Variants in PCCA observed in about 807,000 individuals in gnomAD.
PCCA encodes the protein propionyl-CoA carboxylase alpha chain, mitochondrial.
PCCA carries 74 observed loss-of-function variants against 101.3 expected under a neutral mutation model. The ratio of observed to expected loss-of-function variants is 0.73; its 90% CI spans 0.61 to 0.89. PCCA has a LOEUF of 0.89. Ranked by LOEUF, PCCA falls within the 40% of genes least tolerant of loss-of-function variation. The pLI, the probability that PCCA is intolerant of heterozygous loss-of-function variation, is 0.00. For synonymous variants in PCCA, 294 were observed against 313.6 expected, an observed-to-expected ratio of 0.94 and a Z score of 0.66; for missense variants, 891 against 907.0, an observed-to-expected ratio of 0.98 and a Z score of 0.23.
intron 19 of PCCA, among the ~76,000 whole-genome samples, chr13:100,382,482 C>T (rs1324627603): frequency 6.6e-6 from 1 of 152,150 alleles, no homozygotes; most frequent in African/African-American, 2.4e-5. Context: ...CTTTGGGCCA[C>T]GGTCTCAGGC....
intron 18 of PCCA, among the ~76,000 whole-genome samples, chr13:100,342,365 G>A (rs2071507259): frequency 6.6e-6 from 1 of 151,878 alleles, no homozygotes; most frequent in Non-Finnish European, 1.5e-5. Flanking sequence ...CCGGGTTCAA[G>A]CGATTCTCCT....
intron 5 of PCCA, among the ~76,000 whole-genome samples, chr13:100,156,255 A>G (rs1454688843): frequency 6.6e-6 from 1 of 151,986 alleles, no homozygotes; most frequent in Non-Finnish European, 1.5e-5. Context: ...TTTAGTAGAG[A>G]AGGGGTTTCA....
At chr13:100,292,503 A>T (rs755788171) in intron 12 of PCCA, among the ~76,000 whole-genome samples, 14 of 152,212 alleles carry the variant, frequency 9.2e-5, no homozygotes, top group Non-Finnish European at 1.5e-4. Context: ...TACTGAGCAC[A>T]CATTCTTTCT....
intron 16 of PCCA, among the ~76,000 whole-genome samples, chr13:100,319,570 C>G (rs2067773243): frequency 6.6e-6 from 1 of 152,154 alleles, no homozygotes; most frequent in South Asian, 2.1e-4. Flanking sequence ...CCAGTTTTCC[C>G]AGCACCATTT....
chr13:100,483,213 A>G (rs1596115065), intron 21 of PCCA, among the ~76,000 whole-genome samples: 1 of 152,210 alleles, frequency 6.6e-6, no homozygotes, highest in Middle Eastern at 3.4e-3. Context: ...AAGAAATACC[A>G]TCTAAGTCTT....
chr13:100,139,478 T>C (rs1428567370), intron 4 of PCCA, among the ~76,000 whole-genome samples: 6 of 152,090 alleles, frequency 3.9e-5, no homozygotes, highest in Non-Finnish European at 8.8e-5. Context: ...TTCAGATTTA[T>C]TGACTCTTTC....
chr13:100,238,146 G>T (rs143930000), intron 8 of PCCA, among the ~76,000 whole-genome samples: 2,305 of 151,780 alleles, frequency 0.015, 65 homozygotes, highest in African/African-American at 0.053. Flanking sequence ...CACCATACTG[G>T]CCAGGCTGGT....
intron 16 of PCCA, among the ~76,000 whole-genome samples, chr13:100,315,379 C>T (rs1267728322): frequency 6.6e-6 from 1 of 152,056 alleles, no homozygotes; most frequent in East Asian, 1.9e-4. Context: ...AGCAGAGATG[C>T]ATTTGGGATT....
intron 18 of PCCA, among the ~76,000 whole-genome samples, chr13:100,346,377 T>TGG (rs2072225093): frequency 6.6e-6 from 1 of 152,096 alleles, no homozygotes; most frequent in African/African-American, 2.4e-5. Flanking sequence ...TAGCTACAGT[T>TGG]GGGGTGGAAA....
At chr13:100,292,771 A>C (rs1479364264) in intron 12 of PCCA, among the ~76,000 whole-genome samples, 1 of 152,222 alleles carries the variant, frequency 6.6e-6, no homozygotes, top group Non-Finnish European at 1.5e-5. Flanking sequence ...TTTTAAAGAG[A>C]TCTCCTTTCT....
chr13:100,315,326 A>T (rs1199992479), intron 16 of PCCA, among the ~76,000 whole-genome samples: 1 of 152,062 alleles, frequency 6.6e-6, no homozygotes, highest in Non-Finnish European at 1.5e-5. Flanking sequence ...AAAAATAGGG[A>T]AGAGCAAGAA....
rs116806058 is a variant in PCCA, at chr13:100,474,709, G to A, written c.1899+25404G>A. ...TTACCACGTTGCCCAGGCTGGTCTC[G>A]AACTCCTAGTCTCAAGCGATCCTCC... On this transcript the variant is annotated intron_variant, in intron 21 of 23. Coordinates refer to ENST00000376285, the MANE Select transcript of PCCA (RefSeq NM_000282.4). Among the ~76,000 whole-genome samples, 682 of 151,570 alleles carry A rather than the reference G, an allele frequency of 4.5e-3. 5 individuals carry two copies. The highest frequency in any genetic ancestry group is 0.016 in the African/African-American group (650 of 41,316).
intron 7 of PCCA, among the ~76,000 whole-genome samples, chr13:100,217,866 G>T (rs1165856805): frequency 6.7e-6 from 1 of 149,854 alleles, no homozygotes; most frequent in African/African-American, 2.5e-5. Context: ...CTGAGGTCAG[G>T]AGTTCAAGAC....
chr13:100,491,856 T>G (rs892236371), intron 21 of PCCA: 1 of 800,172 alleles, frequency 1.2e-6, no homozygotes, highest in African/African-American at 1.9e-5. Context: ...AATATTTTAG[T>G]GAATATGAGT....
intron 17 of PCCA, among the ~76,000 whole-genome samples, chr13:100,336,328 G>A (rs1026950516): frequency 3.3e-5 from 5 of 152,104 alleles, no homozygotes; most frequent in Non-Finnish European, 7.4e-5. Context: ...GGGAACCAGC[G>A]CGTAGCTGTT....
intron 12 of PCCA, among the ~76,000 whole-genome samples, chr13:100,286,341 C>G (rs899994607): frequency 2.0e-5 from 3 of 152,122 alleles, no homozygotes; most frequent in African/African-American, 7.2e-5. Flanking sequence ...CGCACGTGGC[C>G]CCTGCTGCTG....
chr13:100,340,171 A>C lies in PCCA; in HGVS notation c.1555A>C (p.Lys519Gln), dbSNP rs1322463438. 1 of 1,593,020 alleles carries C rather than the reference A, an allele frequency of 6.3e-7. No homozygotes were observed. The highest frequency in any genetic ancestry group is 8.6e-7 in the Non-Finnish European group (1 of 1,160,780). ...ATTTCCCTCAGGACACATGCTAACC[A>C]AGAGTGAGAAGAACCAGTTATTGGC... ...PDGFKGHMLT[K>Q]SEKNQLLAIA... The change falls in exon 18 of 24, where the codon AAG becomes CAG. Residue 519 changes from lysine (K) to glutamine (Q), a missense_variant. Physicochemically the swap from Lys to Gln is moderately conservative, Grantham distance 53 (BLOSUM62 1). Coordinates refer to ENST00000376285, the MANE Select transcript of PCCA (RefSeq NM_000282.4).
intron 18 of PCCA, among the ~76,000 whole-genome samples, chr13:100,341,997 G>GTATATATATATGTATTTATGTGTGTGTA (rs146304987): frequency 3.7e-5 from 5 of 133,898 alleles, no homozygotes; most frequent in Admixed American, 1.5e-4. Flanking sequence ...TTATGTGTGT[G>GTATATATATATGTATTTATGTGTGTGTA]TATATATATG....
At chr13:100,492,675 CT>C (rs939580722) in intron 21 of PCCA, among the ~76,000 whole-genome samples, 1 of 151,164 alleles carries the variant, frequency 6.6e-6, no homozygotes, top group Admixed American at 6.6e-5. Context: ...CAAATGTTGC[CT>C]TTTGGCTCAC....
Sources: allele counts gnomAD v4.1 joint callset (sites outside exome capture counted in the v4.1 genomes callset), GRCh38; gene constraint gnomAD v4.1.1; transcripts MANE v1.5; gene names NCBI Gene and HGNC (gene_info 2026-07-23, HGNC 2026-07-21).